LGALS9: variants seen among roughly 807,000 people sequenced by gnomAD.
LGALS9 encodes galectin-9.
A neutral mutation model predicts 35.9 loss-of-function variants in LGALS9; 26 were observed. The ratio of observed to expected loss-of-function variants is 0.72; its 90% CI spans 0.53 to 1.01. The LOEUF (loss-of-function observed/expected upper bound fraction) is 1.01. Ranked by LOEUF, LGALS9 falls within the 50% of genes least tolerant of loss-of-function variation. LGALS9 has a pLI of 0.00. For missense variants in LGALS9, 347 were observed against 445.8 expected, an observed-to-expected ratio of 0.78 and a Z score of 1.99; for synonymous variants, 149 against 172.2, an observed-to-expected ratio of 0.87 and a Z score of 1.06.
intron 3 of LGALS9, among the ~76,000 whole-genome samples, chr17:27,641,749 G>A (rs571381808): frequency 7.2e-5 from 11 of 152,150 alleles, no homozygotes; most frequent in African/African-American, 2.7e-4. Flanking sequence ...TGAGGAGGGC[G>A]GATCGCTTCA....
intron 1 of LGALS9, among the ~76,000 whole-genome samples, chr17:27,633,585 C>T (rs1434014210): frequency 6.6e-6 from 1 of 152,244 alleles, no homozygotes; most frequent in Non-Finnish European, 1.5e-5. Flanking sequence ...TTTTGGTTCA[C>T]AGGGCTCAGC....
Position 27,644,845 on chromosome 17 carries a change from T to G in LGALS9, c.541-469T>G, listed in dbSNP as rs144587645. ...ACTTTGGATTTGATCCCTTCCACCT[T>G]GGCAAGCTTGGGCAAGTTGCTTAAT... On this transcript the variant is annotated intron_variant, in intron 5 of 10. Coordinates refer to ENST00000395473, the MANE Select transcript of LGALS9 (RefSeq NM_009587.3). The G allele has an allele frequency of 6.7e-3, 1,079 of 161,614 alleles. 18 individuals carry two copies. Among genetic ancestry groups the G allele is most frequent in the African/African-American group, 0.023 (973 of 41,696 alleles). 10.0% of individuals were successfully genotyped at this position (161,614 alleles called of 1,614,324 possible).
chr17:27,646,645 G>T, intron 8 of LGALS9, 57 bp downstream of exon 8: 1 of 1,612,070 alleles, frequency 6.2e-7, no homozygotes. Context: ...GGCTGGGGGT[G>T]AAGGGCCGCT....
chr17:27,648,197 A>G (rs1027715194), intron 10 of LGALS9, among the ~76,000 whole-genome samples: 3 of 152,394 alleles, frequency 2.0e-5, no homozygotes, highest in Admixed American at 6.5e-5. Flanking sequence ...AGCCATGGAA[A>G]GGAGCTTGGA....
At chr17:27,635,505 T>C (rs2074439792) in intron 1 of LGALS9, among the ~76,000 whole-genome samples, 1 of 151,984 alleles carries the variant, frequency 6.6e-6, no homozygotes, top group Admixed American at 6.6e-5. Context: ...TTTTTCCGAA[T>C]TTTGGGGGCA....
chr17:27,633,339 C>T (rs1473565983), intron 1 of LGALS9, among the ~76,000 whole-genome samples: 1 of 152,252 alleles, frequency 6.6e-6, no homozygotes, highest in Non-Finnish European at 1.5e-5. Context: ...GCTGGTCAAC[C>T]TCAAAACAAC....
chr17:27,641,097 C>CT (rs1904459525), intron 3 of LGALS9: 1 of 521,738 alleles, frequency 1.9e-6, no homozygotes, highest in Non-Finnish European at 3.7e-6. Context: ...CTCCAGGTCA[C>CT]TGGTAACATT....
At chr17:27,647,752 G>A (rs1162752325) in intron 10 of LGALS9, among the ~76,000 whole-genome samples, 1 of 152,216 alleles carries the variant, frequency 6.6e-6, no homozygotes, top group Non-Finnish European at 1.5e-5. Flanking sequence ...CCATTTTCTT[G>A]TCGCCTGCTT....
rs191142299 is a variant in LGALS9 at position 27,649,064 on chromosome 17, C to G, written c.*82C>G. 229 of 1,592,590 alleles carry G rather than the reference C, an allele frequency of 1.4e-4. No individual in the cohort carries two copies. The African/African-American group carries it at 2.7e-3, about 19-fold the overall frequency. ...ATCATCCCCACTTCCCAGGCCCAGCCTTTCCAACCCTGCCTGGGATCTGGG... is the reference window on the plus strand; with the variant it reads ...ATCATCCCCACTTCCCAGGCCCAGCGTTTCCAACCCTGCCTGGGATCTGGG... On this transcript the variant is annotated 3_prime_UTR_variant, in exon 11 of 11. Coordinates refer to ENST00000395473, the MANE Select transcript of LGALS9 (RefSeq NM_009587.3).
At position 27,649,144 on chromosome 17, in the gene LGALS9, T is replaced by C; in HGVS notation, c.*162T>C. On this transcript the variant is annotated 3_prime_UTR_variant, in exon 11 of 11. Coordinates refer to ENST00000395473, the MANE Select transcript of LGALS9 (RefSeq NM_009587.3). ...GTCCTGCTTCTGGCTACAGCCACCC[T>C]GGAACGGAGAAGGCAGCTGACGGGG... 2.6e-6 allele frequency: 3 copies of C among 1,166,516 alleles called. No homozygotes were observed. The highest frequency in any genetic ancestry group is 2.4e-6 in the Non-Finnish European group (2 of 828,414). 72.3% of individuals were successfully genotyped at this position (1,166,516 alleles called of 1,614,324 possible).
intron 10 of LGALS9, 135 bp downstream of exon 10, chr17:27,647,567 G>T: frequency 8.0e-7 from 1 of 1,253,958 alleles, no homozygotes; most frequent in South Asian, 1.5e-5. Context: ...AGAGAAGGTG[G>T]CCAACAAATT....
At chr17:27,634,024 TC>T (rs2074417471) in intron 1 of LGALS9, among the ~76,000 whole-genome samples, 1 of 152,226 alleles carries the variant, frequency 6.6e-6, no homozygotes, top group Non-Finnish European at 1.5e-5. Context: ...CCGGTTGTTT[TC>T]CTGGGTTTTC....
In LGALS9 at chr17:27,645,304, AC is replaced by A; in HGVS notation, c.541-6del. Reference sequence around the variant, plus strand: ...GATAACCACCATTCTGACTCTCCTCACCCCTCCAGCCTCCCGGCGTGTGGCC... The same window carrying A: ...GATAACCACCATTCTGACTCTCCTCACCCTCCAGCCTCCCGGCGTGTGGCC... On this transcript the variant is annotated splice_polypyrimidine_tract_variant and intron_variant, in intron 5 of 10. Coordinates refer to ENST00000395473, the MANE Select transcript of LGALS9 (RefSeq NM_009587.3). The A allele has an allele frequency of 1.2e-6, 2 of 1,612,902 alleles. No homozygotes were observed. Among genetic ancestry groups the A allele is most frequent in the South Asian group, 2.2e-5 (2 of 90,984 alleles).
intron 1 of LGALS9, 92 bp downstream of exon 1, chr17:27,631,396 G>GCCCCCACCCCCATCCCCT: frequency 1.3e-6 from 2 of 1,531,126 alleles, no homozygotes; most frequent in Non-Finnish European, 1.8e-6. Context: ...GGCAGGGGAT[G>GCCCCCACCCCCATCCCCT]GGGGTGGGGG....
At chr17:27,648,697 G>C (rs937198474) in intron 10 of LGALS9, 139 bp from the exon 11 acceptor site, 9 of 1,420,848 alleles carry the variant, frequency 6.3e-6, no homozygotes, top group East Asian at 2.4e-5. Flanking sequence ...AAGAGCCGTC[G>C]TTCAGTGGGG....
intron 2 of LGALS9, among the ~76,000 whole-genome samples, chr17:27,639,016 A>G (rs2074486795): frequency 6.6e-6 from 1 of 151,812 alleles, no homozygotes; most frequent in South Asian, 2.1e-4. Flanking sequence ...TTAGTGGGGG[A>G]CCATGGGTGG....
intron 3 of LGALS9, among the ~76,000 whole-genome samples, chr17:27,641,186 C>T (rs4795830): frequency 0.22 from 33,892 of 151,928 alleles, 4,003 homozygotes; most frequent in Admixed American, 0.3. Context: ...GCAAATTACC[C>T]TTGCAAGCAG....
intron 1 of LGALS9, among the ~76,000 whole-genome samples, chr17:27,637,396 C>T (rs965517207): frequency 6.6e-6 from 1 of 152,236 alleles, no homozygotes; most frequent in African/African-American, 2.4e-5. Flanking sequence ...CCCAAGGTCA[C>T]TCAGGTCATG....
intron 1 of LGALS9, among the ~76,000 whole-genome samples, chr17:27,633,163 G>T (rs537757840): frequency 1.3e-5 from 2 of 152,326 alleles, no homozygotes; most frequent in African/African-American, 4.8e-5. Flanking sequence ...TCAAATCCCA[G>T]CTCTGTTGCT....
Sources: allele counts gnomAD v4.1 joint callset (sites outside exome capture counted in the v4.1 genomes callset), GRCh38; gene constraint gnomAD v4.1.1; transcripts MANE v1.5; gene names NCBI Gene and HGNC (gene_info 2026-07-23, HGNC 2026-07-21).